The following CYP3A7 variants were observed in gnomAD, a reference collection of about 807,000 sequenced individuals.
The protein encoded by CYP3A7 is cytochrome P450 3A7.
A neutral mutation model predicts 55.2 loss-of-function variants in CYP3A7; 45 were observed. That is an observed-to-expected ratio of 0.82 (90% CI 0.64 to 1.05). CYP3A7 has a LOEUF of 1.05. Ranked by LOEUF, CYP3A7 falls within the 50% of genes least tolerant of loss-of-function variation. CYP3A7 has a pLI of 0.00. For missense variants in CYP3A7, 548 were observed against 605.3 expected, an observed-to-expected ratio of 0.91 and a Z score of 0.99; for synonymous variants, 180 against 207.4, an observed-to-expected ratio of 0.87 and a Z score of 1.13.
At chr7:99,711,779 CAA>C (rs372354984) in intron 9 of CYP3A7, among the ~76,000 whole-genome samples, 1 of 64,170 alleles carries the variant, frequency 1.6e-5, no homozygotes, top group Non-Finnish European at 6.7e-5. Context: ...CAAAACAAAA[CAA>C]AACAACAACA....
At chr7:99,723,036 A>AG in intron 2 of CYP3A7, among the ~76,000 whole-genome samples, 1 of 151,036 alleles carries the variant, frequency 6.6e-6, no homozygotes, top group South Asian at 2.1e-4. Flanking sequence ...TTAAAAAAAA[A>AG]CCTTCCTGTT....
chr7:99,728,357 C>T (rs1814493658), intron 2 of CYP3A7, among the ~76,000 whole-genome samples: 2 of 152,196 alleles, frequency 1.3e-5, no homozygotes, highest in Non-Finnish European at 2.9e-5. Flanking sequence ...ATTCCCCCTT[C>T]TTGTTTACTT....
chr7:99,717,417 T>C, intron 5 of CYP3A7, 109 bp downstream of exon 5: 1 of 1,582,794 alleles, frequency 6.3e-7, no homozygotes. Flanking sequence ...TTTAGGAAGC[T>C]CAAATTCAGC....
At chr7:99,734,218 C>T (rs1461346680) in intron 1 of CYP3A7, among the ~76,000 whole-genome samples, 1 of 152,214 alleles carries the variant, frequency 6.6e-6, no homozygotes, top group East Asian at 1.9e-4. Context: ...TTTTCTGTTT[C>T]CATGTGACCA....
intron 12 of CYP3A7, among the ~76,000 whole-genome samples, chr7:99,706,829 G>T (rs1813540123): frequency 6.6e-6 from 1 of 152,212 alleles, no homozygotes; most frequent in African/African-American, 2.4e-5. Flanking sequence ...TTTACCAAAT[G>T]ACCAAATGCT....
intron 2 of CYP3A7, chr7:99,730,837 T>C (rs1207179857): frequency 9.4e-6 from 5 of 530,630 alleles, no homozygotes; most frequent in Non-Finnish European, 1.7e-5. Context: ...TTGCTGGATC[T>C]ACTTGACATT....
At position 99,709,479 on chromosome 7, in the gene CYP3A7, G is replaced by A. The variant is rs540580873; in HGVS notation, c.1027-218C>T. Among the ~76,000 whole-genome samples, 86 of 152,196 alleles carry A rather than the reference G, an allele frequency of 5.7e-4. 1 individual carries two copies. The South Asian group carries it at 9.3e-3, about 17-fold the overall frequency. Reference sequence around the variant, plus strand: ...GGAGTTATGAAAGCAGGAGACATTCGGGAAGGCTCTAACCCCAATGACTGA... The same window carrying A: ...GGAGTTATGAAAGCAGGAGACATTCAGGAAGGCTCTAACCCCAATGACTGA... On this transcript the variant is annotated intron_variant, in intron 10 of 12. Coordinates refer to ENST00000336374, the MANE Select transcript of CYP3A7 (RefSeq NM_000765.5).
chr7:99,709,253 G>T lies in CYP3A7; in HGVS notation c.1035C>A (p.Pro345=). The T allele has an allele frequency of 6.2e-7, 1 of 1,613,750 alleles. No homozygotes were observed. Among genetic ancestry groups the T allele is most frequent in the Non-Finnish European group, 8.5e-7 (1 of 1,179,870 alleles). ...IDTVLPNKAP[P]TYDTVLQLEY... The stretch of plus-strand genomic sequence containing the variant: ...CCAACTGTAGCACAGTATCATAGGT[G>T]GGTGGTGCCTGAAAAGAAAGAAACA... The change falls in exon 11 of 13, where the codon CCC becomes CCA. Residue 345 remains proline, a synonymous_variant. Transcript: ENST00000336374.
chr7:99,722,878 T>G (rs1166316577), intron 2 of CYP3A7, among the ~76,000 whole-genome samples: 3 of 152,206 alleles, frequency 2.0e-5, no homozygotes, highest in Non-Finnish European at 2.9e-5. Context: ...GAGGCATGTT[T>G]GTTGAGTGAG....
chr7:99,708,386 A>G (rs530704479), intron 11 of CYP3A7, among the ~76,000 whole-genome samples: 1 of 152,154 alleles, frequency 6.6e-6, no homozygotes, highest in African/African-American at 2.4e-5. Context: ...CTACTTCAAA[A>G]TTGTTATTTT....
chr7:99,734,446 T>C (rs991870713), intron 1 of CYP3A7, among the ~76,000 whole-genome samples: 6 of 152,158 alleles, frequency 3.9e-5, no homozygotes, highest in Non-Finnish European at 8.8e-5. Flanking sequence ...AACCATTGTC[T>C]ATTAGATTAT....
intron 12 of CYP3A7, among the ~76,000 whole-genome samples, chr7:99,707,463 T>C (rs1813567850): frequency 6.6e-6 from 1 of 152,216 alleles, no homozygotes; most frequent in African/African-American, 2.4e-5. Flanking sequence ...AGGAAGAGCA[T>C]CATTCAAAAG....
At chr7:99,734,367 C>T (rs1476062911) in intron 1 of CYP3A7, among the ~76,000 whole-genome samples, 2 of 152,118 alleles carry the variant, frequency 1.3e-5, no homozygotes, top group East Asian at 1.9e-4. Context: ...TGAGAAGATT[C>T]ACCCTCTTCT....
Position 99,710,888 on chromosome 7 carries a change from C to T in CYP3A7, c.870G>A (p.Leu290=). The change falls in exon 10 of 13, where the codon CTG becomes CTA. Residue 290 remains leucine (L), a synonymous_variant. Transcript: ENST00000336374. ...ATTGGGCCATGAGCTCCAGATCAGA[C>T]AGAGCTGAAAGGAGAGAAAAGACAT... is the stretch of plus-strand genomic sequence containing the variant. ...NSKDSETHKA[L]SDLELMAQSI... is the part of the protein sequence containing the mutation. The T allele has an allele frequency of 6.2e-7, 1 of 1,613,674 alleles. No individual in the cohort carries two copies. The highest frequency in any genetic ancestry group is 8.5e-7 in the Non-Finnish European group (1 of 1,179,740).
intron 2 of CYP3A7, among the ~76,000 whole-genome samples, chr7:99,723,836 C>T (rs1814303423): frequency 6.6e-6 from 1 of 152,194 alleles, no homozygotes. Context: ...TACGTTTTAT[C>T]CATGAACTCA....
At chr7:99,719,505 G>A (rs1306790326) in intron 4 of CYP3A7, among the ~76,000 whole-genome samples, 1 of 152,042 alleles carries the variant, frequency 6.6e-6, no homozygotes, top group Non-Finnish European at 1.5e-5. Context: ...ATTTAGTAAA[G>A]CATTAAACTT....
intron 4 of CYP3A7, among the ~76,000 whole-genome samples, chr7:99,718,076 A>G (rs1052031045): frequency 2.0e-4 from 30 of 152,018 alleles, no homozygotes; most frequent in Non-Finnish European, 7.4e-5. Context: ...ATACAATGAG[A>G]ACACATGGAC....
At chr7:99,719,817 G>A (rs1177548231) in intron 4 of CYP3A7, among the ~76,000 whole-genome samples, 1 of 152,044 alleles carries the variant, frequency 6.6e-6, no homozygotes, top group Admixed American at 6.5e-5. Flanking sequence ...GGCCAATAAG[G>A]TGAAACCTCG....
chr7:99,720,559 A>G, intron 3 of CYP3A7, 147 bp from the exon 4 acceptor site: 2 of 861,842 alleles, frequency 2.3e-6, no homozygotes, highest in South Asian at 1.7e-5. Flanking sequence ...TTCATTAGGT[A>G]TAACTCACAG....
Sources: gnomAD v4.1 joint callset for allele counts (sites outside exome capture counted in the v4.1 genomes callset) on GRCh38, gnomAD v4.1.1 for gene constraint, MANE v1.5 for transcripts, NCBI Gene and HGNC (gene_info 2026-07-23, HGNC 2026-07-21) for gene names.